The following GANC variants were observed in gnomAD, a reference collection of about 807,000 sequenced individuals.
The protein encoded by GANC is glucosidase alpha, neutral C, also known as neutral alpha-glucosidase C.
GANC carries 117 observed loss-of-function variants against 124.2 expected under a neutral mutation model. The observed-to-expected ratio is 0.94, with a 90% confidence interval of 0.81 to 1.10. The LOEUF (loss-of-function observed/expected upper bound fraction) is 1.10, where lower values mean the gene tolerates loss of function less well. Ranked by LOEUF, GANC falls within the 50% of genes least tolerant of loss-of-function variation. The pLI is 0.00. For synonymous variants in GANC, 377 were observed against 376.8 expected (o/e 1.00, Z -0.01); for missense variants, 1,140 against 1,095.0 (o/e 1.04, Z -0.58).
rs745571861 is a variant in GANC, at chr15:42,274,523, T to C, written c.29+13T>C. On this transcript the variant is annotated intron_variant, in intron 1 of 23. Coordinates refer to ENST00000318010, the MANE Select transcript of GANC (RefSeq NM_198141.3). ...AAGAGGAAATAAGGTAAAGGCCAAG[T>C]GCTTCTGTAGCGAGTGACCCCAGGG... 12 of 1,606,362 alleles carry C rather than the reference T, an allele frequency of 7.5e-6. No homozygotes were observed. The East Asian group carries it at 2.7e-4, about 36-fold the overall frequency.
At chr15:42,346,929 A>G (rs1375680956) in intron 20 of GANC, among the ~76,000 whole-genome samples, 2 of 152,234 alleles carry the variant, frequency 1.3e-5, no homozygotes, top group Non-Finnish European at 2.9e-5. Flanking sequence ...ATCAGCAGCA[A>G]TATGAACCCC....
intron 23 of GANC, 39 bp downstream of exon 23, chr15:42,351,471 T>C (rs1487159552): frequency 7.0e-7 from 1 of 1,421,472 alleles, no homozygotes; most frequent in African/African-American, 1.4e-5. Flanking sequence ...CATTTGTTTT[T>C]ATAAACAGAA....
chr15:42,275,527 G>A (rs373843604), intron 1 of GANC, among the ~76,000 whole-genome samples: 4 of 152,144 alleles, frequency 2.6e-5, no homozygotes, highest in East Asian at 3.8e-4. Context: ...ACATAATCAT[G>A]GACATGCTGA....
Position 42,278,565 on chromosome 15 carries a change from T to G in GANC, c.176T>G (p.Phe59Cys). The G allele has an allele frequency of 6.2e-7, 1 of 1,611,468 alleles. No homozygotes were observed. Among genetic ancestry groups the G allele is most frequent in the Non-Finnish European group, 8.5e-7 (1 of 1,178,676 alleles). ...SVTTDEDSTR[F>C]QIINEASKVP... The stretch of plus-strand genomic sequence containing the variant: ...ACAACAGATGAAGACAGCACCAGGT[T>G]CCAAATCATCAATGAAGCAAGTAAG... The change falls in exon 3 of 24, where the codon TTC becomes TGC. Residue 59 changes from phenylalanine (F) to cysteine (C), a missense_variant. By Grantham distance (205) the Phe-to-Cys change is radical. Transcript: ENST00000318010.
intron 6 of GANC, among the ~76,000 whole-genome samples, chr15:42,298,503 T>G (rs1566952401): frequency 6.6e-6 from 1 of 152,202 alleles, no homozygotes; most frequent in Non-Finnish European, 1.5e-5. Flanking sequence ...CTTTCTGAGT[T>G]TCTCCTAAGA....
intron 6 of GANC, among the ~76,000 whole-genome samples, chr15:42,305,353 A>G (rs1234073256): frequency 6.6e-6 from 1 of 152,258 alleles, no homozygotes; most frequent in East Asian, 1.9e-4. Context: ...AAAAAAGCTC[A>G]TCATCACTGG....
At chr15:42,330,119 T>G (rs1268500320) in intron 14 of GANC, among the ~76,000 whole-genome samples, 1 of 152,194 alleles carries the variant, frequency 6.6e-6, no homozygotes, top group Non-Finnish European at 1.5e-5. Context: ...TAAGCATAGT[T>G]TTCAGATTGT....
chr15:42,300,102 A>G (rs1160672872), intron 6 of GANC, among the ~76,000 whole-genome samples: 2 of 152,226 alleles, frequency 1.3e-5, no homozygotes, highest in Non-Finnish European at 2.9e-5. Context: ...ATAAAAACCA[A>G]AATTGACAGA....
chr15:42,303,670 GA>G (rs150074091), intron 6 of GANC, among the ~76,000 whole-genome samples: 38 of 128,586 alleles, frequency 3.0e-4, no homozygotes, highest in African/African-American at 9.2e-4. Context: ...TATTTACCAA[GA>G]AAAAAAAAAA....
At chr15:42,328,083 T>G (rs2052211534) in intron 13 of GANC, among the ~76,000 whole-genome samples, 1 of 152,184 alleles carries the variant, frequency 6.6e-6, no homozygotes, top group South Asian at 2.1e-4. Context: ...AATTGAGACA[T>G]AGAGAAGCTT....
At chr15:42,342,822 C>T (rs879732772) in intron 18 of GANC, among the ~76,000 whole-genome samples, 3 of 152,152 alleles carry the variant, frequency 2.0e-5, no homozygotes, top group Non-Finnish European at 4.4e-5. Context: ...GTCAGAGTCC[C>T]TTCCTATAAT....
intron 19 of GANC, among the ~76,000 whole-genome samples, 159 bp from the exon 20 acceptor site, chr15:42,345,599 C>G (rs114185589): frequency 1.3e-5 from 2 of 152,170 alleles, no homozygotes; most frequent in South Asian, 2.1e-4. Context: ...CCTAAAAGCA[C>G]GTATTCTTCC....
At chr15:42,336,524 A>G (rs2052284613) in intron 15 of GANC, among the ~76,000 whole-genome samples, 1 of 152,220 alleles carries the variant, frequency 6.6e-6, no homozygotes, top group Admixed American at 6.5e-5. Flanking sequence ...AAAACTATAT[A>G]AAAACCCTGG....
intron 18 of GANC, among the ~76,000 whole-genome samples, chr15:42,341,583 A>T (rs979774515): frequency 4.0e-5 from 6 of 149,576 alleles, no homozygotes; most frequent in Admixed American, 1.3e-4. Flanking sequence ...TTTTTTTTTT[A>T]AATGGAGCCT....
intron 6 of GANC, among the ~76,000 whole-genome samples, chr15:42,303,245 C>T (rs975478859): frequency 2.0e-5 from 3 of 152,106 alleles, no homozygotes; most frequent in African/African-American, 7.2e-5. Context: ...ATTTCATATC[C>T]AGCCAAACTA....
chr15:42,314,610 A>G (rs1379595236), intron 10 of GANC: 1 of 157,844 alleles, frequency 6.3e-6, no homozygotes, highest in African/African-American at 2.4e-5. Flanking sequence ...AGGGTATCAG[A>G]CTGATTAATA....
chr15:42,283,192 T>G (rs1453802114), intron 3 of GANC, among the ~76,000 whole-genome samples: 1 of 152,322 alleles, frequency 6.6e-6, no homozygotes, highest in Middle Eastern at 3.4e-3. Flanking sequence ...GGTCGGAACG[T>G]CCAGGCTTTG....
chr15:42,295,737 G>T (rs779444104), intron 5 of GANC, among the ~76,000 whole-genome samples: 17 of 151,732 alleles, frequency 1.1e-4, no homozygotes, highest in Non-Finnish European at 2.5e-4. Flanking sequence ...CGTCTGGCAT[G>T]TAAGGAGCTT....
chr15:42,302,793 C>T (rs1362763096), intron 6 of GANC, among the ~76,000 whole-genome samples: 1 of 151,274 alleles, frequency 6.6e-6, no homozygotes, highest in Non-Finnish European at 1.5e-5. Flanking sequence ...AGAGTGAAGA[C>T]AAGATTAGAG....
Sources: gnomAD v4.1 joint callset for allele counts (sites outside exome capture counted in the v4.1 genomes callset) on GRCh38, gnomAD v4.1.1 for gene constraint, MANE v1.5 for transcripts, NCBI Gene and HGNC (gene_info 2026-07-23, HGNC 2026-07-21) for gene names.